The following COMMD1 variants were observed in gnomAD, a reference collection of about 807,000 sequenced individuals.
COMMD1 encodes COMM domain-containing protein 1.
COMMD1 carries 10 observed loss-of-function variants against 17.2 expected under a neutral mutation model. The observed-to-expected ratio is 0.58, with a 90% confidence interval of 0.36 to 0.99. COMMD1 has a LOEUF of 0.99. Ranked by LOEUF, COMMD1 falls within the 50% of genes least tolerant of loss-of-function variation. COMMD1 has a pLI of 0.01. For synonymous variants in COMMD1, 97 were observed against 91.6 expected (o/e 1.06, Z -0.34); for missense variants, 270 against 231.8 (o/e 1.17, Z -1.07).
chr2:61,964,051 ATC>A (rs1440479887), intron 1 of COMMD1, among the ~76,000 whole-genome samples: 2 of 152,138 alleles, frequency 1.3e-5, no homozygotes, highest in Non-Finnish European at 2.9e-5. Context: ...CAGATTTTTG[ATC>A]TGTTTCCCTA....
chr2:62,125,126 T>G (rs1267644791), intron 2 of COMMD1, among the ~76,000 whole-genome samples: 1 of 152,228 alleles, frequency 6.6e-6, no homozygotes, highest in Non-Finnish European at 1.5e-5. Context: ...CAGTGATGAT[T>G]AATGTTTTTG....
chr2:61,905,844 A>G lies in COMMD1; in HGVS notation c.166A>G (p.Arg56Gly), dbSNP rs1669758301. ...EEFRPFLAKM[R>G]GILKSIASAD... Reference sequence around the variant, plus strand: ...GTTCCGCCCCTTTCTGGCAAAGATGAGGGGGATTCTTAAGGTACTGCTCTT... The same window carrying G: ...GTTCCGCCCCTTTCTGGCAAAGATGGGGGGGATTCTTAAGGTACTGCTCTT... The change falls in exon 1 of 3, where the codon AGG becomes GGG. Residue 56 changes from arginine (R) to glycine (G), a missense_variant. Transcript: ENST00000311832. The G allele has an allele frequency of 1.2e-6, 2 of 1,614,162 alleles. No homozygotes were observed. Among genetic ancestry groups the G allele is most frequent in the African/African-American group, 1.3e-5 (1 of 75,038 alleles).
intron 1 of COMMD1, among the ~76,000 whole-genome samples, chr2:61,981,241 G>A (rs1573028067): frequency 4.6e-5 from 7 of 152,186 alleles, no homozygotes; most frequent in Admixed American, 4.6e-4. Context: ...CCAATGGCCT[G>A]AAGAGTTTCC....
chr2:61,918,828 T>A (rs910016206), intron 1 of COMMD1, among the ~76,000 whole-genome samples: 15 of 152,144 alleles, frequency 9.9e-5, no homozygotes, highest in African/African-American at 3.4e-4. Flanking sequence ...TCATGATTTT[T>A]TTGTCTTAAT....
At chr2:62,001,160 C>A in intron 2 of COMMD1, 178 bp downstream of exon 2, 1 of 649,870 alleles carries the variant, frequency 1.5e-6, no homozygotes, top group Non-Finnish European at 2.6e-6. Context: ...TGGACAGAGT[C>A]TGGAAACTAG....
chr2:62,028,696 A>C (rs1669838223), intron 2 of COMMD1, among the ~76,000 whole-genome samples: 1 of 152,218 alleles, frequency 6.6e-6, no homozygotes, highest in African/African-American at 2.4e-5. Context: ...TTAATATTAC[A>C]GTTGTCTTTA....
chr2:62,104,483 A>G (rs901202228), intron 2 of COMMD1, among the ~76,000 whole-genome samples: 22 of 151,556 alleles, frequency 1.5e-4, no homozygotes, highest in African/African-American at 5.3e-4. Flanking sequence ...AAAATGCAAA[A>G]ATTAGCTGGG....
chr2:61,902,477 T>C (rs1363481643), upstream of COMMD1, among the ~76,000 whole-genome samples: 5 of 129,726 alleles, frequency 3.9e-5, no homozygotes, highest in Non-Finnish European at 7.7e-5. Flanking sequence ...TTGCACTCCA[T>C]CCAGCCTGGG....
chr2:62,083,174 G>A (rs1484402581), intron 2 of COMMD1, among the ~76,000 whole-genome samples: 5 of 152,082 alleles, frequency 3.3e-5, no homozygotes, highest in Admixed American at 3.3e-4. Flanking sequence ...AACGTGGGAG[G>A]TTTGCTTGAG....
At chr2:62,078,244 A>C (rs1671406347) in intron 2 of COMMD1, among the ~76,000 whole-genome samples, 1 of 132,564 alleles carries the variant, frequency 7.5e-6, no homozygotes, top group African/African-American at 3.0e-5. Context: ...CAATGCAAAA[A>C]AAAAAAAAAA....
intron 1 of COMMD1, among the ~76,000 whole-genome samples, chr2:61,893,070 T>G (rs749399251): frequency 5.3e-5 from 8 of 152,000 alleles, no homozygotes; most frequent in Non-Finnish European, 8.8e-5. Flanking sequence ...TTTCACCATG[T>G]TGGCCAGGCT....
At chr2:61,891,714 T>A (rs1214538391) in intron 1 of COMMD1, among the ~76,000 whole-genome samples, 1 of 150,158 alleles carries the variant, frequency 6.7e-6, no homozygotes, top group Non-Finnish European at 1.5e-5. Context: ...GGCGACAGAG[T>A]GAGACTCCAT....
At chr2:61,909,608 A>G (rs920155563) in intron 1 of COMMD1, among the ~76,000 whole-genome samples, 2 of 152,050 alleles carry the variant, frequency 1.3e-5, no homozygotes, top group Admixed American at 1.3e-4. Flanking sequence ...AAATGAAACA[A>G]CCTTTTATTC....
chr2:62,040,098 C>T (rs1038214790), intron 2 of COMMD1, among the ~76,000 whole-genome samples: 1 of 152,052 alleles, frequency 6.6e-6, no homozygotes, highest in Non-Finnish European at 1.5e-5. Context: ...ACAAAAATTA[C>T]AATAATTAGC....
At chr2:61,988,364 T>A (rs1302349779) in intron 1 of COMMD1, among the ~76,000 whole-genome samples, 1 of 152,164 alleles carries the variant, frequency 6.6e-6, no homozygotes, top group African/African-American at 2.4e-5. Context: ...AAAGGCCCTT[T>A]AGTCAGGAGG....
chr2:61,940,967 CG>C (rs1670730908), intron 1 of COMMD1, among the ~76,000 whole-genome samples: 2 of 151,840 alleles, frequency 1.3e-5, no homozygotes, highest in Non-Finnish European at 2.9e-5. Context: ...AGATTACAGG[CG>C]TGAGCCACTG....
At chr2:62,073,278 C>T (rs896585586) in intron 2 of COMMD1, among the ~76,000 whole-genome samples, 1 of 152,190 alleles carries the variant, frequency 6.6e-6, no homozygotes, top group African/African-American at 2.4e-5. Context: ...TTTCCTGCAT[C>T]TAGGAGAGAT....
chr2:62,045,511 G>A (rs1257572043), intron 2 of COMMD1, among the ~76,000 whole-genome samples: 2 of 151,550 alleles, frequency 1.3e-5, no homozygotes, highest in East Asian at 3.9e-4. Flanking sequence ...TGAGCAAGGT[G>A]GGGATTCGTT....
At chr2:62,100,709 T>C (rs998904332) in intron 2 of COMMD1, among the ~76,000 whole-genome samples, 2 of 152,160 alleles carry the variant, frequency 1.3e-5, no homozygotes, top group African/African-American at 4.8e-5. Context: ...CAAGGTTCTT[T>C]TGAAGTCTTA....
Sources: gnomAD v4.1 joint callset for allele counts (sites outside exome capture counted in the v4.1 genomes callset) on GRCh38, gnomAD v4.1.1 for gene constraint, MANE v1.5 for transcripts, NCBI Gene and HGNC (gene_info 2026-07-23, HGNC 2026-07-21) for gene names.